The following HECTD4 variants were observed in gnomAD, a reference collection of about 807,000 sequenced individuals.
HECTD4 encodes probable E3 ubiquitin-protein ligase HECTD4.
In HECTD4, 114 loss-of-function variants were observed where a neutral mutation model predicts 471.5. The ratio of observed to expected loss-of-function variants is 0.24; its 90% CI spans 0.21 to 0.28. The LOEUF (loss-of-function observed/expected upper bound fraction) is 0.28, where lower values mean the gene tolerates loss of function less well. Ranked by LOEUF, HECTD4 falls within the 10% of genes least tolerant of loss-of-function variation. The pLI, the probability that HECTD4 is intolerant of heterozygous loss-of-function variation, is 1.00. For synonymous variants in HECTD4, 2,012 were observed against 2,256.0 expected, an observed-to-expected ratio of 0.89 and a Z score of 3.07; for missense variants, 3,866 against 5,651.5, an observed-to-expected ratio of 0.68 and a Z score of 10.13.
intron 1 of HECTD4, among the ~76,000 whole-genome samples, chr12:112,368,437 C>G (rs1019026517): frequency 1.3e-5 from 2 of 152,152 alleles, no homozygotes; most frequent in Admixed American, 6.5e-5. Flanking sequence ...ACAGATAACA[C>G]TTTAAATACT....
intron 1 of HECTD4, among the ~76,000 whole-genome samples, chr12:112,367,538 G>A (rs888405832): frequency 4.0e-5 from 6 of 151,880 alleles, no homozygotes; most frequent in South Asian, 2.1e-4. Flanking sequence ...AAATGCTTCC[G>A]GCAGGGCCCA....
intron 7 of HECTD4, among the ~76,000 whole-genome samples, chr12:112,301,487 C>T (rs1380870489): frequency 6.6e-6 from 1 of 152,116 alleles, no homozygotes; most frequent in African/African-American, 2.4e-5. Context: ...CAGACCTCCG[C>T]CTGTATTATT....
Position 112,239,879 on chromosome 12 carries a change from A to G in HECTD4, c.5105+2T>C. On this transcript the variant is annotated splice_donor_variant, in intron 33 of 75. Coordinates refer to ENST00000682272, the MANE Select transcript of HECTD4 (RefSeq NM_001388303.1). LOFTEE classifies it high-confidence loss of function. This position sits in a 1 kb window ranked among gnomAD's most constrained non-coding sequence, Gnocchi z 4.9. ...TACAACAAAAGGCCTTTCCGTACTTACCTGGTGTAAGGTATGGTACATAAG... is the reference window on the plus strand; with the variant it reads ...TACAACAAAAGGCCTTTCCGTACTTGCCTGGTGTAAGGTATGGTACATAAG... 6.2e-7 allele frequency: 1 copy of G among 1,611,208 alleles called. No individual in the cohort carries two copies. Among genetic ancestry groups the G allele is most frequent in the Non-Finnish European group, 8.5e-7 (1 of 1,177,990 alleles).
Position 112,184,540 on chromosome 12 carries a change from T to C in HECTD4, c.10426A>G (p.Ser3476Gly), listed in dbSNP as rs373600032. ...TDSMEVSTSS[S>G]LTPAMSISAS... Reference sequence around the variant, plus strand: ...CTGATGCTCATGGCGGGGGTCAGGCTGCTGGACGTGCTGACCTCCATGCTG... The same window carrying C: ...CTGATGCTCATGGCGGGGGTCAGGCCGCTGGACGTGCTGACCTCCATGCTG... The change falls in exon 61 of 76, where the codon AGC (serine) becomes GGC (glycine). Residue 3476 changes from serine to glycine, a missense_variant. Ser to Gly is a moderately conservative substitution (Grantham distance 56). Transcript: ENST00000682272. The surrounding 1 kb of genome is among the most constrained non-coding windows in gnomAD (Gnocchi z 9.1). 2 of 1,611,744 alleles carry C rather than the reference T, an allele frequency of 1.2e-6. No individual in the cohort carries two copies. Among genetic ancestry groups the C allele is most frequent in the Non-Finnish European group, 1.7e-6 (2 of 1,179,522 alleles).
intron 7 of HECTD4, among the ~76,000 whole-genome samples, chr12:112,303,709 G>A (rs887829814): frequency 6.6e-6 from 1 of 151,776 alleles, no homozygotes; most frequent in South Asian, 2.1e-4. Flanking sequence ...AAATTAGCTG[G>A]GTGTGGTCAT....
chr12:112,226,021 G>A lies in HECTD4; in HGVS notation c.6970+622C>T, dbSNP rs539606509. The stretch of plus-strand genomic sequence containing the variant: ...TTAAGATTCTTTATTTTTCAGAGAC[G>A]TAAACTAAAATACTTATGAATAAAA... On this transcript the variant is annotated intron_variant, in intron 44 of 75. Coordinates refer to ENST00000682272, the MANE Select transcript of HECTD4 (RefSeq NM_001388303.1). 5.3e-5 allele frequency among the ~76,000 whole-genome samples: 8 copies of A among 152,174 alleles called. No individual in the cohort carries two copies. In the South Asian group the frequency reaches 1.2e-3, roughly 24 times the overall value.
rs1414047329 is a variant in HECTD4 at position 112,179,569 on chromosome 12, CCCAG to C, written c.10988-176_10988-173del. Among the ~76,000 whole-genome samples the C allele has an allele frequency of 2.0e-5, 3 of 152,246 alleles. No individual in the cohort carries two copies. Among genetic ancestry groups the C allele is most frequent in the African/African-American group, 7.2e-5 (3 of 41,474 alleles). On this transcript the variant is annotated intron_variant, in intron 62 of 75. Transcript: ENST00000682272. This position sits in a 1 kb window ranked among gnomAD's most constrained non-coding sequence, Gnocchi z 4.3. ...CTCCCTGGGCACAGCCCAGCACATGCCCAGCCTTCCTTGCCGTAAGGTGCGGCCC... is the reference window on the plus strand; with the variant it reads ...CTCCCTGGGCACAGCCCAGCACATGCCCTTCCTTGCCGTAAGGTGCGGCCC...
At chr12:112,207,186 C>T (rs1461059212) in intron 52 of HECTD4, among the ~76,000 whole-genome samples, 1 of 152,112 alleles carries the variant, frequency 6.6e-6, no homozygotes, top group East Asian at 1.9e-4. Flanking sequence ...CTATCTTGCC[C>T]AGGCTGGAGT....
At chr12:112,298,943 C>T (rs867388725) in intron 7 of HECTD4, among the ~76,000 whole-genome samples, 4 of 151,674 alleles carry the variant, frequency 2.6e-5, no homozygotes, top group Admixed American at 6.6e-5. Flanking sequence ...GCCCAGCTGC[C>T]GTATATATTT....
chr12:112,202,485 C>A (rs1593924742), intron 54 of HECTD4, among the ~76,000 whole-genome samples: 1 of 152,118 alleles, frequency 6.6e-6, no homozygotes, highest in Non-Finnish European at 1.5e-5. Context: ...GGATTACAGG[C>A]ATGAGCCACC....
chr12:112,375,441 C>T (rs1016611342), intron 1 of HECTD4, among the ~76,000 whole-genome samples: 4 of 152,130 alleles, frequency 2.6e-5, no homozygotes, highest in African/African-American at 9.7e-5. Flanking sequence ...AAGCACTAAC[C>T]AAAATGCTTA....
chr12:112,170,298 A>G (rs1264556019), intron 69 of HECTD4, 35 bp downstream of exon 69: 1 of 1,610,552 alleles, frequency 6.2e-7, no homozygotes, highest in East Asian at 2.2e-5. Flanking sequence ...AGGCACTGCC[A>G]TTTTGCATTT....
intron 1 of HECTD4, among the ~76,000 whole-genome samples, chr12:112,344,781 G>C (rs747514737): frequency 2.0e-5 from 3 of 152,028 alleles, no homozygotes; most frequent in Non-Finnish European, 2.9e-5. Context: ...AGCCAGGCGT[G>C]GTGGCGCATG....
At chr12:112,234,618 T>C (rs940181132) in intron 37 of HECTD4, among the ~76,000 whole-genome samples, 6 of 152,208 alleles carry the variant, frequency 3.9e-5, no homozygotes, top group African/African-American at 1.4e-4. Flanking sequence ...AATCACACCA[T>C]TTCATACTTC....
intron 2 of HECTD4, among the ~76,000 whole-genome samples, chr12:112,316,816 C>T: frequency 6.7e-6 from 1 of 148,990 alleles, no homozygotes; most frequent in Non-Finnish European, 1.5e-5. Flanking sequence ...TTCTGAAGTC[C>T]AGAACATGAT....
chr12:112,330,232 G>A (rs890918766), intron 1 of HECTD4, among the ~76,000 whole-genome samples: 3 of 149,942 alleles, frequency 2.0e-5, no homozygotes, highest in African/African-American at 4.9e-5. Flanking sequence ...AGCTGAGATC[G>A]CACCACTGCA....
intron 53 of HECTD4, among the ~76,000 whole-genome samples, 179 bp from the exon 54 acceptor site, chr12:112,203,951 CT>C (rs2032501300): frequency 6.6e-6 from 1 of 152,218 alleles, no homozygotes; most frequent in Admixed American, 6.5e-5. Context: ...AAGAACACAA[CT>C]CAGTCTGGAA....
chr12:112,240,117 T>A, intron 32 of HECTD4, 90 bp from the exon 33 acceptor site: 1 of 1,303,368 alleles, frequency 7.7e-7, no homozygotes, highest in Non-Finnish European at 1.1e-6. Flanking sequence ...CTCTAGAGTA[T>A]CTGGATGAAT....
chr12:112,169,798 G>T, intron 69 of HECTD4, 140 bp from the exon 70 acceptor site: 1 of 963,050 alleles, frequency 1.0e-6, no homozygotes, highest in Non-Finnish European at 1.6e-6. Context: ...TGCCTTCTCT[G>T]CCCTCAGAAC....
Sources: allele counts gnomAD v4.1 joint callset (sites outside exome capture counted in the v4.1 genomes callset), GRCh38; gene constraint gnomAD v4.1.1; non-coding constraint Gnocchi (gnomAD v3.1); transcripts MANE v1.5; gene names NCBI Gene and HGNC (gene_info 2026-07-23, HGNC 2026-07-21).